The following OR8K3 variants were observed in gnomAD, a reference collection of about 807,000 sequenced individuals.
OR8K3 encodes the protein olfactory receptor family 8 subfamily K member 3 (gene/pseudogene), also known as olfactory receptor 8K3.
For synonymous variants in OR8K3, 167 were observed against 138.8 expected, an observed-to-expected ratio of 1.20 and a Z score of -1.43; for missense variants, 448 against 367.4, an observed-to-expected ratio of 1.22 and a Z score of -1.79.
In OR8K3 at chr11:56,319,905, C is replaced by A. The variant is rs1326343314; in HGVS notation, c.*660C>A. 1.3e-5 allele frequency: 2 copies of A among 152,130 alleles called. No individual in the cohort carries two copies. The highest frequency in any genetic ancestry group is 6.5e-5 in the Admixed American group (1 of 15,274). 9.4% of individuals were successfully genotyped at this position (152,130 alleles called of 1,614,324 possible). On this transcript the variant is annotated 3_prime_UTR_variant, in exon 3 of 3. Transcript: ENST00000641662. ...AATAATCGGTAAATTCTGATTAGCACCTGATTTTGTTTCAGTTAGCCCATT... is the reference window on the plus strand; with the variant it reads ...AATAATCGGTAAATTCTGATTAGCAACTGATTTTGTTTCAGTTAGCCCATT...
chr11:56,319,154 T>C lies in OR8K3; in HGVS notation c.848T>C (p.Met283Thr), dbSNP rs745652127. Residue 283 changes from methionine to threonine, a missense_variant, in exon 3 of 3, where the codon ATG becomes ACG. By Grantham distance (81) the Met-to-Thr change is moderately conservative. Coordinates refer to ENST00000641662, the MANE Select transcript of OR8K3 (RefSeq NM_001005202.2). ...ATATTTTACACCCTGGTTATCCCCA[T>C]GTTGAATCCCTTGATCTATAGTTTA... ...ASIFYTLVIP[M>T]LNPLIYSLRN... The C allele has an allele frequency of 6.2e-7, 1 of 1,613,416 alleles. No individual in the cohort carries two copies. Among genetic ancestry groups the C allele is most frequent in the South Asian group, 1.1e-5 (1 of 91,084 alleles).
Position 56,319,273 on chromosome 11 carries a change from T to C in OR8K3, c.*28T>C. 1 of 1,326,626 alleles carries C rather than the reference T, an allele frequency of 7.5e-7. No individual in the cohort carries two copies. The highest frequency in any genetic ancestry group is 1.1e-6 in the Non-Finnish European group (1 of 940,184). The allele number at this position is 1,326,626 out of a possible 1,614,324, so 82.2% of individuals were successfully genotyped here. A position where few individuals can be genotyped will look rare whatever the true frequency, so the allele number is the denominator to read the frequency against. Reference sequence around the variant, plus strand: ...TTTGTACAATATGATTCCTATAAATTAGGTTATGGGCATGAATTTTTGCTC... The same window carrying C: ...TTTGTACAATATGATTCCTATAAATCAGGTTATGGGCATGAATTTTTGCTC... On this transcript the variant is annotated 3_prime_UTR_variant, in exon 3 of 3. Transcript: ENST00000641662.
Position 56,318,880 on chromosome 11 carries a change from A to T in OR8K3, c.574A>T (p.Thr192Ser). 1 of 1,613,742 alleles carries T rather than the reference A, an allele frequency of 6.2e-7. No individual in the cohort carries two copies. Among genetic ancestry groups the T allele is most frequent in the Non-Finnish European group, 8.5e-7 (1 of 1,179,620 alleles). ...TTTGTTACCTTTGCTTTGTTCAAAT[A>T]CACATGAAATTGAATTGATAATTCT... ...LPLLPLLCSN[T>S]HEIELIILIF... The change falls in exon 3 of 3, where the codon ACA becomes TCA. Residue 192 changes from threonine (T) to serine (S), a missense_variant. Coordinates refer to ENST00000641662, the MANE Select transcript of OR8K3 (RefSeq NM_001005202.2).
rs1028462987 is a variant in OR8K3, at chr11:56,318,647, T to C, written c.341T>C (p.Ile114Thr). The C allele has an allele frequency of 1.2e-6, 2 of 1,613,886 alleles. No individual in the cohort carries two copies. The highest frequency in any genetic ancestry group is 1.7e-6 in the Non-Finnish European group (2 of 1,179,766). Residue 114 changes from isoleucine (I) to threonine (T), a missense_variant, in exon 3 of 3, where the codon ATT becomes ACT. Coordinates refer to ENST00000641662, the MANE Select transcript of OR8K3 (RefSeq NM_001005202.2). ...FLVFIGSELF[I>T]LSAMSYDLYV... ...GTGTTCATTGGTAGTGAACTTTTTA[T>C]TCTCTCAGCCATGTCCTACGACCTC... is the stretch of plus-strand genomic sequence containing the variant.
intron 2 of OR8K3, among the ~76,000 whole-genome samples, chr11:56,318,055 T>C (rs1239203178): frequency 1.3e-5 from 2 of 152,320 alleles, no homozygotes; most frequent in Middle Eastern, 6.8e-3. Context: ...AAAATGTCTC[T>C]AGACATTAGA....
intron 2 of OR8K3, 139 bp from the exon 3 acceptor site, chr11:56,318,143 CAT>C (rs1565108044): frequency 1.1e-5 from 6 of 541,770 alleles, no homozygotes; most frequent in Non-Finnish European, 2.0e-5. Flanking sequence ...ATTATTTAAA[CAT>C]GTTTTTATTT....
chr11:56,318,641 T>C lies in OR8K3; in HGVS notation c.335T>C (p.Leu112Pro). 1.2e-6 allele frequency: 2 copies of C among 1,613,776 alleles called. No individual in the cohort carries two copies. The highest frequency in any genetic ancestry group is 2.2e-5 in the East Asian group (1 of 44,878). ...TTTCTTGTGTTCATTGGTAGTGAAC[T>C]TTTTATTCTCTCAGCCATGTCCTAC... ...AFFLVFIGSE[L>P]FILSAMSYDL... The change falls in exon 3 of 3, where the codon CTT becomes CCT. Residue 112 changes from leucine (L) to proline (P), a missense_variant. Leu to Pro is a moderately conservative substitution (Grantham distance 98). Coordinates refer to ENST00000641662, the MANE Select transcript of OR8K3 (RefSeq NM_001005202.2).
At position 56,318,725 on chromosome 11, in the gene OR8K3, T is replaced by C. The variant is rs1199164968; in HGVS notation, c.419T>C (p.Val140Ala). ...LLYTVIMSRRVCQVLVAIPYL... is the reference protein window; with the variant it reads ...LLYTVIMSRRACQVLVAIPYL... ...TACACAGTAATCATGTCACGAAGGG[T>C]ATGTCAGGTGCTGGTAGCAATCCCT... Residue 140 changes from valine to alanine, a missense_variant, in exon 3 of 3, where the codon GTA (valine) becomes GCA (alanine). Physicochemically the swap from Val to Ala is moderately conservative, Grantham distance 64 (BLOSUM62 0). Transcript: ENST00000641662. The C allele has an allele frequency of 3.1e-6, 5 of 1,613,868 alleles. No individual in the cohort carries two copies.
chr11:56,318,602 C>A lies in OR8K3; in HGVS notation c.296C>A (p.Thr99Lys), dbSNP rs1241806729. The A allele has an allele frequency of 6.2e-7, 1 of 1,613,792 alleles. No individual in the cohort carries two copies. Residue 99 changes from threonine (T) to lysine (K), a missense_variant, in exon 3 of 3, where the codon ACA becomes AAA. Physicochemically the swap from Thr to Lys is moderately conservative, Grantham distance 78. Transcript: ENST00000641662. ...ATAATTTCTTATTATTTTTGTGCAA[C>A]ACAGCTAGCTTTCTTTCTTGTGTTC... ...KNIISYYFCA[T>K]QLAFFLVFIG...
rs941326291 is a variant in OR8K3, at chr11:56,319,717, T to G, written c.*472T>G. 1 of 157,482 alleles carries G rather than the reference T, an allele frequency of 6.3e-6. No individual in the cohort carries two copies. Among genetic ancestry groups the G allele is most frequent in the African/African-American group, 2.4e-5 (1 of 41,520 alleles). The allele number at this position is 157,482 out of a possible 1,614,324, so 9.8% of individuals were successfully genotyped here. A position where few individuals can be genotyped will look rare whatever the true frequency, so the allele number is the denominator to read the frequency against. On this transcript the variant is annotated 3_prime_UTR_variant, in exon 3 of 3. Coordinates refer to ENST00000641662, the MANE Select transcript of OR8K3 (RefSeq NM_001005202.2). ...CTTCATACTTTTTGCTTGTATATTCTGACATTGCATTTAATACTGGTTGTT... is the reference window on the plus strand; with the variant it reads ...CTTCATACTTTTTGCTTGTATATTCGGACATTGCATTTAATACTGGTTGTT...
Position 56,318,857 on chromosome 11 carries a change from T to C in OR8K3, c.551T>C (p.Leu184Ser), listed in dbSNP as rs772606569. 3.1e-6 allele frequency: 5 copies of C among 1,614,114 alleles called. No homozygotes were observed. Among genetic ancestry groups the C allele is most frequent in the Non-Finnish European group, 4.2e-6 (5 of 1,179,950 alleles). The change falls in exon 3 of 3, where the codon TTG (leucine) becomes TCG (serine). Residue 184 changes from leucine to serine, a missense_variant. By Grantham distance (145) the Leu-to-Ser change is moderately radical. Coordinates refer to ENST00000641662, the MANE Select transcript of OR8K3 (RefSeq NM_001005202.2). ...CATTTCTACTGTGACAGTCTCCCTT[T>C]GTTACCTTTGCTTTGTTCAAATACA... ...ISHFYCDSLP[L>S]LPLLCSNTHE...
At position 56,318,718 on chromosome 11, in the gene OR8K3, C is replaced by T. The variant is rs779168193; in HGVS notation, c.412C>T (p.Arg138Ter). 2.4e-5 allele frequency: 38 copies of T among 1,613,760 alleles called. No homozygotes were observed. The South Asian group carries it at 3.3e-4, about 14-fold the overall frequency. ...NPLLYTVIMS[R>*]RVCQVLVAIP... ...TCTGCTATACACAGTAATCATGTCA[C>T]GAAGGGTATGTCAGGTGCTGGTAGC... The change falls in exon 3 of 3, where the codon CGA (arginine) becomes TGA (stop). Residue 138 changes from arginine (R) to a stop codon, truncating the protein, a stop_gained. Transcript: ENST00000641662. LOFTEE classifies it low-confidence loss of function (END_TRUNC).
chr11:56,318,753 C>A lies in OR8K3; in HGVS notation c.447C>A (p.Tyr149Ter), dbSNP rs758790637. ...GTCAGGTGCTGGTAGCAATCCCTTA[C>A]CTCTATTGCACATTCATTTCTCTTC... ...RVCQVLVAIP[Y>*]LYCTFISLLV... The change falls in exon 3 of 3, where the codon TAC becomes TAA. Residue 149 changes from tyrosine (Y) to a stop codon, truncating the protein, a stop_gained. Transcript: ENST00000641662. LOFTEE classifies it low-confidence loss of function (END_TRUNC). 3.4e-5 allele frequency: 55 copies of A among 1,613,510 alleles called. No homozygotes were observed. Among genetic ancestry groups the A allele is most frequent in the Non-Finnish European group, 4.2e-5 (50 of 1,179,628 alleles).
At chr11:56,318,260 T>G (rs372711832) in intron 2 of OR8K3, 24 bp from the exon 3 acceptor site, 17 of 1,367,430 alleles carry the variant, frequency 1.2e-5, no homozygotes. Flanking sequence ...GGAAAGCTAT[T>G]GACAATGCCG....
At position 56,319,013 on chromosome 11, in the gene OR8K3, C is replaced by T; in HGVS notation, c.707C>T (p.Ala236Val). Residue 236 changes from alanine (A) to valine (V), a missense_variant, in exon 3 of 3, where the codon GCT (alanine) becomes GTT (valine). Coordinates refer to ENST00000641662, the MANE Select transcript of OR8K3 (RefSeq NM_001005202.2). ...ATGAATTCTGCTGGCAGACAAAAGG[C>T]TTTTTCTACCTGTGGAGCCCACCTG... ...LRMNSAGRQK[A>V]FSTCGAHLTV... The T allele has an allele frequency of 1.2e-6, 2 of 1,614,114 alleles. No individual in the cohort carries two copies. Among genetic ancestry groups the T allele is most frequent in the Non-Finnish European group, 1.7e-6 (2 of 1,179,980 alleles).
chr11:56,317,665 A>G (rs1854461544), intron 2 of OR8K3, among the ~76,000 whole-genome samples: 1 of 152,182 alleles, frequency 6.6e-6, no homozygotes, highest in African/African-American at 2.4e-5. Flanking sequence ...ATTATGTCAC[A>G]ATTTTAATCT....
In OR8K3 at chr11:56,318,320, A is replaced by G; in HGVS notation, c.14A>G (p.Asn5Ser). 7 of 1,612,814 alleles carry G rather than the reference A, an allele frequency of 4.3e-6. No individual in the cohort carries two copies. The highest frequency in any genetic ancestry group is 1.1e-5 in the South Asian group (1 of 91,030). Reference sequence around the variant, plus strand: ...TGATGAACCTGGATGGAACAACACAATCTAACAACGGTGAATGAATTCATT... The same window carrying G: ...TGATGAACCTGGATGGAACAACACAGTCTAACAACGGTGAATGAATTCATT... MEQHNLTTVNEFILT... is the reference protein window; with the variant it reads MEQHSLTTVNEFILT... Residue 5 changes from asparagine to serine, a missense_variant, in exon 3 of 3, where the codon AAT becomes AGT. Asn to Ser is a conservative substitution (Grantham distance 46). Coordinates refer to ENST00000641662, the MANE Select transcript of OR8K3 (RefSeq NM_001005202.2).
intron 2 of OR8K3, among the ~76,000 whole-genome samples, chr11:56,317,029 G>A: frequency 6.6e-6 from 1 of 151,980 alleles, no homozygotes; most frequent in Non-Finnish European, 1.5e-5. Flanking sequence ...GTTTAGTCAT[G>A]AATTGGGGGA....
rs768447806 is a variant in OR8K3 at position 56,318,685 on chromosome 11, T to C, written c.379T>C (p.Cys127Arg). 6.2e-7 allele frequency: 1 copy of C among 1,614,012 alleles called. No individual in the cohort carries two copies. Among genetic ancestry groups the C allele is most frequent in the Non-Finnish European group, 8.5e-7 (1 of 1,179,914 alleles). Residue 127 changes from cysteine (C) to arginine (R), a missense_variant, in exon 3 of 3, where the codon TGT becomes CGT. Physicochemically the swap from Cys to Arg is radical, Grantham distance 180. Coordinates refer to ENST00000641662, the MANE Select transcript of OR8K3 (RefSeq NM_001005202.2). Reference sequence around the variant, plus strand: ...GTCCTACGACCTCTATGTGGCCATCTGTAACCCTCTGCTATACACAGTAAT... The same window carrying C: ...GTCCTACGACCTCTATGTGGCCATCCGTAACCCTCTGCTATACACAGTAAT... ...AMSYDLYVAI[C>R]NPLLYTVIMS...
Sources: allele counts gnomAD v4.1 joint callset (sites outside exome capture counted in the v4.1 genomes callset), GRCh38; gene constraint gnomAD v4.1.1; transcripts MANE v1.5; gene names NCBI Gene and HGNC (gene_info 2026-07-23, HGNC 2026-07-21).